RUNDC3B: variants seen among roughly 807,000 people sequenced by gnomAD.
RUNDC3B encodes RUN domain-containing protein 3B.
Under a neutral mutation model 58.4 loss-of-function variants are expected in RUNDC3B, and 33 were observed. The observed-to-expected ratio is 0.56, with a 90% CI of 0.43 to 0.75. RUNDC3B has a LOEUF of 0.75. Among genes scored for constraint, RUNDC3B ranks in the 30% least tolerant of loss-of-function variants. The probability of loss-of-function intolerance (pLI) is 0.00; values close to 1 mark genes in which losing one functional copy is unlikely to be tolerated. For missense variants in RUNDC3B, 501 were observed against 535.7 expected (o/e 0.94, Z 0.64); for synonymous variants, 193 against 195.2 (o/e 0.99, Z 0.10).
chr7:87,808,919 A>G (rs983186120), intron 9 of RUNDC3B, among the ~76,000 whole-genome samples: 1 of 152,140 alleles, frequency 6.6e-6, no homozygotes, highest in Admixed American at 6.5e-5. Context: ...CAAAAATAGT[A>G]TAACATTAAA....
chr7:87,765,412 A>T (rs1055962572), intron 6 of RUNDC3B, among the ~76,000 whole-genome samples: 3 of 151,792 alleles, frequency 2.0e-5, no homozygotes, highest in African/African-American at 2.4e-5. Context: ...AGATCTTTCT[A>T]TCTTTTTGAT....
At chr7:87,751,821 CA>C (rs912892089) in intron 6 of RUNDC3B, among the ~76,000 whole-genome samples, 2 of 152,130 alleles carry the variant, frequency 1.3e-5, no homozygotes, top group African/African-American at 4.8e-5. Context: ...CATCTGCAAA[CA>C]GGGACAATTT....
At chr7:87,789,633 A>G (rs905564985) in intron 8 of RUNDC3B, among the ~76,000 whole-genome samples, 2 of 152,196 alleles carry the variant, frequency 1.3e-5, no homozygotes, top group Non-Finnish European at 2.9e-5. Flanking sequence ...GTATTATATA[A>G]TCTACTGCCC....
At chr7:87,760,172 T>G (rs1026156342) in intron 6 of RUNDC3B, among the ~76,000 whole-genome samples, 1 of 152,006 alleles carries the variant, frequency 6.6e-6, no homozygotes, top group African/African-American at 2.4e-5. Flanking sequence ...TACCTAGTTC[T>G]TTAGTTGGTG....
intron 2 of RUNDC3B, among the ~76,000 whole-genome samples, chr7:87,685,876 C>T (rs917108519): frequency 1.3e-5 from 2 of 152,076 alleles, no homozygotes; most frequent in African/African-American, 4.8e-5. Flanking sequence ...GGGGAGGATC[C>T]CACTTTCGAT....
intron 6 of RUNDC3B, among the ~76,000 whole-genome samples, chr7:87,742,572 A>T (rs549261924): frequency 6.9e-6 from 1 of 144,598 alleles, no homozygotes; most frequent in African/African-American, 2.6e-5. Context: ...TCCATCATAG[A>T]TAAATAGATA....
intron 1 of RUNDC3B, among the ~76,000 whole-genome samples, chr7:87,638,979 C>T (rs1005429795): frequency 1.1e-4 from 17 of 151,976 alleles, no homozygotes; most frequent in African/African-American, 3.4e-4. Flanking sequence ...GGTGAAACCC[C>T]GTCTCTACTA....
At chr7:87,768,970 G>T (rs2130866490) in intron 6 of RUNDC3B, among the ~76,000 whole-genome samples, 1 of 151,354 alleles carries the variant, frequency 6.6e-6, no homozygotes, top group South Asian at 2.1e-4. Flanking sequence ...AAAACCATGT[G>T]TATTTTATAG....
At chr7:87,645,084 T>C (rs531377210) in intron 1 of RUNDC3B, among the ~76,000 whole-genome samples, 1 of 149,044 alleles carries the variant, frequency 6.7e-6, no homozygotes, top group South Asian at 2.1e-4. Context: ...TTTCTTTCTT[T>C]TTTTTTTTTT....
At chr7:87,729,333 A>G (rs1213152120) in intron 4 of RUNDC3B, among the ~76,000 whole-genome samples, 1 of 152,210 alleles carries the variant, frequency 6.6e-6, no homozygotes, top group Admixed American at 6.5e-5. Context: ...GGCACTGAAG[A>G]GGGAAAGACA....
At chr7:87,781,852 T>A (rs1834941964) in intron 8 of RUNDC3B, among the ~76,000 whole-genome samples, 1 of 152,102 alleles carries the variant, frequency 6.6e-6, no homozygotes, top group African/African-American at 2.4e-5. Flanking sequence ...CATAGTTAAC[T>A]AACTTTTAGA....
intron 6 of RUNDC3B, among the ~76,000 whole-genome samples, chr7:87,757,910 ACT>A (rs1467942184): frequency 6.6e-6 from 1 of 152,088 alleles, no homozygotes; most frequent in East Asian, 1.9e-4. Flanking sequence ...GGGAAAGGAC[ACT>A]CTCTTCAATA....
intron 10 of RUNDC3B, among the ~76,000 whole-genome samples, chr7:87,818,484 A>T (rs757504514): frequency 2.6e-5 from 4 of 152,190 alleles, no homozygotes; most frequent in African/African-American, 4.8e-5. Context: ...CTCAAATCTG[A>T]TTTTAAAAAA....
chr7:87,682,049 A>G (rs758597420), intron 2 of RUNDC3B, among the ~76,000 whole-genome samples: 2 of 152,342 alleles, frequency 1.3e-5, no homozygotes, highest in South Asian at 4.1e-4. Context: ...TGTCATTTCA[A>G]TAATGTTCAC....
chr7:87,630,485 T>G (rs1040705650), intron 1 of RUNDC3B, among the ~76,000 whole-genome samples: 2 of 152,152 alleles, frequency 1.3e-5, no homozygotes, highest in Non-Finnish European at 2.9e-5. Flanking sequence ...AAAATATAGG[T>G]AAATATCTTT....
chr7:87,632,161 T>C (rs1435950250), intron 1 of RUNDC3B, among the ~76,000 whole-genome samples: 1 of 152,154 alleles, frequency 6.6e-6, no homozygotes, highest in Non-Finnish European at 1.5e-5. Flanking sequence ...TATCCACTTA[T>C]ACTTTCACAG....
At position 87,807,243 on chromosome 7, in the gene RUNDC3B, GT is replaced by G. The variant is rs552638015; in HGVS notation, c.957-128del. 5,655 of 733,090 alleles carry G rather than the reference GT, an allele frequency of 7.7e-3. 29 individuals carry two copies. Among genetic ancestry groups the G allele is most frequent in the Non-Finnish European group, 0.011 (4,743 of 441,078 alleles). 45.4% of individuals were successfully genotyped at this position (733,090 alleles called of 1,614,324 possible). On this transcript the variant is annotated intron_variant, in intron 8 of 10. Transcript: ENST00000394654. ...CATTGTCCCAACCATCCTTGCTGTAGTTCTGTTCACAATCTATTAACAAACC... is the reference window on the plus strand; with the variant it reads ...CATTGTCCCAACCATCCTTGCTGTAGTCTGTTCACAATCTATTAACAAACC...
intron 10 of RUNDC3B, among the ~76,000 whole-genome samples, chr7:87,818,509 A>G (rs1341137665): frequency 1.3e-5 from 2 of 152,216 alleles, no homozygotes; most frequent in Non-Finnish European, 2.9e-5. Context: ...GGAATTTTGG[A>G]CAGTTGAGAC....
At chr7:87,671,161 G>A (rs1339158589) in intron 2 of RUNDC3B, among the ~76,000 whole-genome samples, 1 of 152,202 alleles carries the variant, frequency 6.6e-6, no homozygotes, top group East Asian at 1.9e-4. Flanking sequence ...TCCCTGTCTA[G>A]TCACAAGCAC....
Sources: allele counts gnomAD v4.1 joint callset (sites outside exome capture counted in the v4.1 genomes callset), GRCh38; gene constraint gnomAD v4.1.1; transcripts MANE v1.5; gene names NCBI Gene and HGNC (gene_info 2026-07-23, HGNC 2026-07-21).